Variants in SNX1 observed in about 807,000 individuals in gnomAD.
The protein encoded by SNX1 is sorting nexin 1, also known as sorting nexin-1.
Under a neutral mutation model 71.8 loss-of-function variants are expected in SNX1, and 36 were observed. That is an observed-to-expected ratio of 0.50 (90% CI 0.38 to 0.66). The LOEUF (loss-of-function observed/expected upper bound fraction) is 0.66. SNX1 is among the 30% of genes least tolerant of loss of function. The probability of loss-of-function intolerance (pLI) is 0.00; values close to 1 mark genes in which losing one functional copy is unlikely to be tolerated. For missense variants in SNX1, 612 were observed against 646.7 expected (o/e 0.95, Z 0.58); for synonymous variants, 254 against 240.7 (o/e 1.06, Z -0.51).
At chr15:64,118,709 G>T in intron 3 of SNX1, 79 bp from the exon 4 acceptor site, 1 of 1,021,010 alleles carries the variant, frequency 9.8e-7, no homozygotes, top group Non-Finnish European at 1.5e-6. Context: ...TTATTAGATT[G>T]GTATAAGGTT....
rs77458023 is a variant in SNX1, at chr15:64,127,945, T to C, written c.807+139T>C. On this transcript the variant is annotated intron_variant, in intron 8 of 14. Coordinates refer to ENST00000559844, the MANE Select transcript of SNX1 (RefSeq NM_003099.5). Reference sequence around the variant, plus strand: ...CTAGTTTTGTGTGAACCCCTGAGAGTGACAAGTATTTTTCAGCCTTTGAAA... The same window carrying C: ...CTAGTTTTGTGTGAACCCCTGAGAGCGACAAGTATTTTTCAGCCTTTGAAA... 1.3e-3 allele frequency: 816 copies of C among 624,762 alleles called. 6 individuals are homozygous for C. The African/African-American group carries it at 0.014, about 11-fold the overall frequency. 38.7% of individuals were successfully genotyped at this position (624,762 alleles called of 1,614,324 possible).
Position 64,129,188 on chromosome 15 carries a change from C to T in SNX1, c.808-728C>T, listed in dbSNP as rs555828129. On this transcript the variant is annotated intron_variant, in intron 8 of 14. Coordinates refer to ENST00000559844, the MANE Select transcript of SNX1 (RefSeq NM_003099.5). The surrounding 1 kb of genome is among the most constrained non-coding windows in gnomAD (Gnocchi z 4.4). ...CTTGAACCCTGGAGGCAGAGGTTGC[C>T]GTGAGCTGAGATCGTGCCACTGCAC... 3.3e-5 allele frequency among the ~76,000 whole-genome samples: 5 copies of T among 151,200 alleles called. No homozygotes were observed. Among genetic ancestry groups the T allele is most frequent in the Non-Finnish European group, 5.9e-5 (4 of 67,872 alleles).
At position 64,141,027 on chromosome 15, in the gene SNX1, G is replaced by GATAGATAGATAGATAGATA. The variant is rs2081409318; in HGVS notation, c.*3416_*3417insGATAGATAGATAATAGATA. 1 of 61,692 alleles carries GATAGATAGATAGATAGATA rather than the reference G, an allele frequency of 1.6e-5. No individual in the cohort carries two copies. The highest frequency in any genetic ancestry group is 7.3e-5 in the African/African-American group (1 of 13,656). 3.8% of individuals were successfully genotyped at this position (61,692 alleles called of 1,614,324 possible). On this transcript the variant is annotated 3_prime_UTR_variant, in exon 15 of 15. Coordinates refer to ENST00000559844, the MANE Select transcript of SNX1 (RefSeq NM_003099.5). This position sits in a 1 kb window ranked among gnomAD's most constrained non-coding sequence, Gnocchi z 5.1. ...TAGATAGATAGATAGATAGATAGAT[G>GATAGATAGATAGATAGATA]ATAGATATAGATAGATAGATAGATT...
At chr15:64,125,073 A>G (rs930878894) in intron 5 of SNX1, among the ~76,000 whole-genome samples, 1 of 152,100 alleles carries the variant, frequency 6.6e-6, no homozygotes, top group Non-Finnish European at 1.5e-5. Flanking sequence ...ATTTCATCCA[A>G]TTCCCACCCT....
At chr15:64,118,082 C>T (rs778175299) in intron 2 of SNX1, 35 bp from the exon 3 acceptor site, 1 of 1,606,596 alleles carries the variant, frequency 6.2e-7, no homozygotes, top group South Asian at 1.1e-5. Context: ...AGACTCATTA[C>T]TGACCTTCAT....
At chr15:64,104,984 C>G (rs1053104980) in intron 1 of SNX1, among the ~76,000 whole-genome samples, 1 of 151,648 alleles carries the variant, frequency 6.6e-6, no homozygotes, top group Non-Finnish European at 1.5e-5. Flanking sequence ...CCTGTAATCC[C>G]AGCACTTTGG....
At chr15:64,137,394 T>A (rs555108869) in intron 14 of SNX1, among the ~76,000 whole-genome samples, 174 bp from the exon 15 acceptor site, 15 of 152,336 alleles carry the variant, frequency 9.8e-5, no homozygotes, top group African/African-American at 3.4e-4. Flanking sequence ...AACTGCTGCC[T>A]TCCCTGTCGA....
chr15:64,133,288 G>T (rs1433808013), intron 11 of SNX1, among the ~76,000 whole-genome samples: 1 of 152,230 alleles, frequency 6.6e-6, no homozygotes, highest in Non-Finnish European at 1.5e-5. Flanking sequence ...CAGATAAGAG[G>T]TTGCCCTTTA....
chr15:64,133,198 A>G (rs907061787), intron 11 of SNX1, among the ~76,000 whole-genome samples: 3 of 152,186 alleles, frequency 2.0e-5, no homozygotes, highest in Admixed American at 6.5e-5. Flanking sequence ...GAGAAGAGCA[A>G]AGGTTTCTTT....
chr15:64,096,490 G>T (rs998099291), intron 1 of SNX1, among the ~76,000 whole-genome samples: 66 of 152,356 alleles, frequency 4.3e-4, no homozygotes, highest in African/African-American at 1.6e-3. Context: ...TGCAGGTCGT[G>T]TCCTGCCAAG....
In SNX1 at chr15:64,138,420, T is replaced by A. The variant is rs1302684190; in HGVS notation, c.*802T>A. On this transcript the variant is annotated 3_prime_UTR_variant, in exon 15 of 15. Coordinates refer to ENST00000559844, the MANE Select transcript of SNX1 (RefSeq NM_003099.5). ...AAGCTGCTCAGGGTTCTCTGAGTCT[T>A]GCCCTCTGATGGCAAGTCTTATATA... 4.1e-6 allele frequency: 2 copies of A among 489,348 alleles called. No homozygotes were observed. The highest frequency in any genetic ancestry group is 3.9e-5 in the African/African-American group (2 of 50,702). The allele number at this position is 489,348 out of a possible 1,614,324, so 30.3% of individuals were successfully genotyped here. A position where few individuals can be genotyped will look rare whatever the true frequency, so the allele number is the denominator to read the frequency against.
chr15:64,129,912 G>A lies in SNX1; in HGVS notation c.808-4G>A, dbSNP rs188560743. ...TTGCCATCCCTGCCTTCTTGGTCTTGTAGCTGCCACGTGCCGTGGGTACCC... is the reference window on the plus strand; with the variant it reads ...TTGCCATCCCTGCCTTCTTGGTCTTATAGCTGCCACGTGCCGTGGGTACCC... On this transcript the variant is annotated splice_region_variant and splice_polypyrimidine_tract_variant and intron_variant, in intron 8 of 14. Coordinates refer to ENST00000559844, the MANE Select transcript of SNX1 (RefSeq NM_003099.5). This position sits in a 1 kb window ranked among gnomAD's most constrained non-coding sequence, Gnocchi z 4.4. 39 of 1,612,036 alleles carry A rather than the reference G, an allele frequency of 2.4e-5. No homozygotes were observed. In the East Asian group the frequency reaches 8.5e-4, roughly 35 times the overall value.
rs2081373764 is a variant in SNX1 at position 64,137,710 on chromosome 15, C to T, written c.*92C>T. The T allele has an allele frequency of 6.3e-7, 1 of 1,591,902 alleles. No homozygotes were observed. The highest frequency in any genetic ancestry group is 1.7e-5 in the Admixed American group (1 of 57,622). ...GATGGACCCCTAGTGATGCATCCTG[C>T]CTAGGCTGGACTTAACCCCTTCCTC... On this transcript the variant is annotated 3_prime_UTR_variant, in exon 15 of 15. Transcript: ENST00000559844.
intron 2 of SNX1, among the ~76,000 whole-genome samples, chr15:64,114,759 A>T (rs571333081): frequency 1.3e-5 from 2 of 152,224 alleles, no homozygotes; most frequent in Admixed American, 1.3e-4. Flanking sequence ...TAGAAGAAAG[A>T]ATAGAAAAAT....
rs2140168798 is a variant in SNX1, at chr15:64,142,147, T to C, written c.*4529T>C. 1 of 153,566 alleles carries C rather than the reference T, an allele frequency of 6.5e-6. No homozygotes were observed. Among genetic ancestry groups the C allele is most frequent in the Non-Finnish European group, 1.4e-5 (1 of 69,044 alleles). 9.5% of individuals were successfully genotyped at this position (153,566 alleles called of 1,614,324 possible). The stretch of plus-strand genomic sequence containing the variant: ...TGAGCCCAAGAATTTGAGACCAGCC[T>C]GGGGAATATAGTGAGACCCTGTCCC... On this transcript the variant is annotated 3_prime_UTR_variant, in exon 15 of 15. Coordinates refer to ENST00000559844, the MANE Select transcript of SNX1 (RefSeq NM_003099.5).
chr15:64,106,646 G>C (rs2081025026), intron 1 of SNX1, among the ~76,000 whole-genome samples: 1 of 152,190 alleles, frequency 6.6e-6, no homozygotes, highest in Admixed American at 6.5e-5. Context: ...TTATCTGGCT[G>C]GGACAGTGTA....
intron 6 of SNX1, among the ~76,000 whole-genome samples, chr15:64,126,811 C>T (rs951954883): frequency 7.9e-5 from 12 of 152,152 alleles, no homozygotes; most frequent in Admixed American, 1.3e-4. Context: ...ATCTCTTGAC[C>T]TCGTGGTCCG....
intron 5 of SNX1, 136 bp from the exon 6 acceptor site, chr15:64,125,943 T>A: frequency 1.1e-6 from 1 of 900,602 alleles, no homozygotes; most frequent in Admixed American, 2.2e-5. Flanking sequence ...ACTCTCTGCC[T>A]TGGAGAAAGT....
At chr15:64,113,472 A>T (rs1370791392) in intron 2 of SNX1, among the ~76,000 whole-genome samples, 1 of 152,078 alleles carries the variant, frequency 6.6e-6, no homozygotes, top group African/African-American at 2.4e-5. Flanking sequence ...CCTCACAACA[A>T]GGAATTGTTT....
Sources: allele counts gnomAD v4.1 joint callset (sites outside exome capture counted in the v4.1 genomes callset), GRCh38; gene constraint gnomAD v4.1.1; non-coding constraint Gnocchi (gnomAD v3.1); transcripts MANE v1.5; gene names NCBI Gene and HGNC (gene_info 2026-07-23, HGNC 2026-07-21).